The following KCNJ4 variants were observed in gnomAD, a reference collection of about 807,000 sequenced individuals.
The protein encoded by KCNJ4 is inward rectifier potassium channel 4.
Under a neutral mutation model 25.6 loss-of-function variants are expected in KCNJ4, and 3 were observed. That is an observed-to-expected ratio of 0.12 (90% CI 0.05 to 0.30). The LOEUF (loss-of-function observed/expected upper bound fraction) is 0.30, where lower values mean the gene tolerates loss of function less well. Ranked by LOEUF, KCNJ4 falls within the 10% of genes least tolerant of loss-of-function variation. KCNJ4 has a pLI of 1.00. For missense variants in KCNJ4, 286 were observed against 666.8 expected (o/e 0.43, Z 6.29); for synonymous variants, 257 against 283.9 (o/e 0.91, Z 0.95).
intron 1 of KCNJ4, among the ~76,000 whole-genome samples, chr22:38,431,617 TC>T (rs2093050049): frequency 6.6e-6 from 1 of 152,146 alleles, no homozygotes; most frequent in African/African-American, 2.4e-5. Context: ...TTCTCAGACC[TC>T]CACCCTTCCC....
intron 1 of KCNJ4, among the ~76,000 whole-genome samples, chr22:38,453,319 C>T (rs1026363931): frequency 1.3e-5 from 2 of 152,076 alleles, no homozygotes; most frequent in African/African-American, 4.8e-5. Context: ...TCAAGCCACC[C>T]ACCCAAGGTC....
chr22:38,440,125 C>T (rs181147951), intron 1 of KCNJ4, among the ~76,000 whole-genome samples: 1,869 of 151,876 alleles, frequency 0.012, 84 homozygotes, highest in Admixed American at 0.1. Flanking sequence ...ATACAACATT[C>T]CTAGCCAGGT....
intron 1 of KCNJ4, among the ~76,000 whole-genome samples, chr22:38,448,497 C>T (rs2089390975): frequency 6.6e-6 from 1 of 152,160 alleles, no homozygotes; most frequent in African/African-American, 2.4e-5. Context: ...ACCCTTCCTA[C>T]TGCTGTGACC....
intron 1 of KCNJ4, among the ~76,000 whole-genome samples, chr22:38,453,656 C>T (rs1243997744): frequency 6.6e-6 from 1 of 152,122 alleles, no homozygotes; most frequent in Non-Finnish European, 1.5e-5. Flanking sequence ...CAGGGAGTGA[C>T]GTCCCCATGC....
intron 1 of KCNJ4, among the ~76,000 whole-genome samples, chr22:38,441,758 G>T (rs750714797): frequency 3.9e-5 from 6 of 152,106 alleles, no homozygotes; most frequent in African/African-American, 1.4e-4. Flanking sequence ...ACGCCTCCTG[G>T]GCCCTCCTGG....
At chr22:38,447,899 A>C (rs532389453) in intron 1 of KCNJ4, among the ~76,000 whole-genome samples, 1 of 152,026 alleles carries the variant, frequency 6.6e-6, no homozygotes, top group South Asian at 2.1e-4. Context: ...CTTCGTCTCT[A>C]CTAAAAATAC....
intron 1 of KCNJ4, among the ~76,000 whole-genome samples, chr22:38,435,420 C>T (rs1056188705): frequency 5.9e-5 from 9 of 152,270 alleles, no homozygotes; most frequent in Middle Eastern, 3.4e-3. Flanking sequence ...TTGCCGGGCA[C>T]GGTGGCTCAC....
Position 38,449,323 on chromosome 22 carries a change from T to C in KCNJ4, c.-40+5657A>G, listed in dbSNP as rs1458078160. ...CCAGGAGCCTGGAACCAATCCTTGC[T>C]TCTCTCTGAGCCTCAGTATTCTCAT... On this transcript the variant is annotated intron_variant, in intron 1 of 1. Coordinates refer to ENST00000303592, the MANE Select transcript of KCNJ4 (RefSeq NM_152868.3). The surrounding 1 kb of genome is among the most constrained non-coding windows in gnomAD (Gnocchi z 5.2). Among the ~76,000 whole-genome samples, 1 of 152,198 alleles carries C rather than the reference T, an allele frequency of 6.6e-6. No homozygotes were observed. The highest frequency in any genetic ancestry group is 1.5e-5 in the Non-Finnish European group (1 of 68,020).
intron 1 of KCNJ4, among the ~76,000 whole-genome samples, chr22:38,446,607 A>G (rs374869113): frequency 6.6e-5 from 10 of 152,170 alleles, no homozygotes; most frequent in Admixed American, 5.9e-4. Flanking sequence ...TCAACGAGCT[A>G]TGATACATTC....
intron 1 of KCNJ4, among the ~76,000 whole-genome samples, chr22:38,438,703 AAAAGAAAG>A (rs35066342): frequency 1.5e-4 from 23 of 148,818 alleles, no homozygotes; most frequent in African/African-American, 2.2e-4. Context: ...AAAAAAGAAA[AAAAGAAAG>A]AAAGAAAGAA....
chr22:38,441,332 G>C (rs887957841), intron 1 of KCNJ4, among the ~76,000 whole-genome samples: 2 of 152,196 alleles, frequency 1.3e-5, no homozygotes, highest in Non-Finnish European at 2.9e-5. Flanking sequence ...GAAGAGCCAG[G>C]AGTTCTGCTG....
At chr22:38,448,505 A>G (rs1283236284) in intron 1 of KCNJ4, among the ~76,000 whole-genome samples, 1 of 152,106 alleles carries the variant, frequency 6.6e-6, no homozygotes, top group Non-Finnish European at 1.5e-5. Context: ...TACTGCTGTG[A>G]CCAGGGAGTG....
chr22:38,443,459 T>TC lies in KCNJ4; in HGVS notation c.-40+11520dup, dbSNP rs149011092. Among the ~76,000 whole-genome samples the TC allele has an allele frequency of 9.2e-5, 14 of 152,090 alleles. No homozygotes were observed. Among genetic ancestry groups the TC allele is most frequent in the African/African-American group, 3.4e-4 (14 of 41,466 alleles). ...CTGCCAAGCCCAAGCCATGCCCCCG[T>TC]CCTCCCCTCTCCTGCCTTCCCCATC... On this transcript the variant is annotated intron_variant, in intron 1 of 1. Coordinates refer to ENST00000303592, the MANE Select transcript of KCNJ4 (RefSeq NM_152868.3). This position sits in a 1 kb window ranked among gnomAD's most constrained non-coding sequence, Gnocchi z 4.1.
At chr22:38,434,408 T>C (rs1015012355) in intron 1 of KCNJ4, among the ~76,000 whole-genome samples, 22 of 152,194 alleles carry the variant, frequency 1.4e-4, no homozygotes, top group African/African-American at 5.3e-4. Flanking sequence ...CACTGTATCC[T>C]TTGTGTATTT....
At chr22:38,437,493 C>G (rs1434977819) in intron 1 of KCNJ4, among the ~76,000 whole-genome samples, 1 of 152,230 alleles carries the variant, frequency 6.6e-6, no homozygotes, top group Non-Finnish European at 1.5e-5. Flanking sequence ...ACCCCACTGC[C>G]TGGCTGGGGC....
At position 38,439,530 on chromosome 22, in the gene KCNJ4, AC is replaced by A. The variant is rs1433977308; in HGVS notation, c.-39-11360del. ...GGTGGTTCACGCCTGTAATCCCGGCACTTTGGGAGGCCAAGGCAGGCAGATC... is the reference window on the plus strand; with the variant it reads ...GGTGGTTCACGCCTGTAATCCCGGCATTTGGGAGGCCAAGGCAGGCAGATC... On this transcript the variant is annotated intron_variant, in intron 1 of 1. Transcript: ENST00000303592. Among the ~76,000 whole-genome samples the A allele has an allele frequency of 8.5e-5, 13 of 152,258 alleles. No individual in the cohort carries two copies. The East Asian group carries it at 2.5e-3, about 29-fold the overall frequency.
chr22:38,434,453 A>C (rs1310870978), intron 1 of KCNJ4, among the ~76,000 whole-genome samples: 1 of 152,194 alleles, frequency 6.6e-6, no homozygotes, highest in African/African-American at 2.4e-5. Context: ...CACAGTAACA[A>C]GAAGGGTTGT....
At chr22:38,448,070 A>AAAAAAGAAAAG (rs1555919495) in intron 1 of KCNJ4, among the ~76,000 whole-genome samples, 1 of 150,438 alleles carries the variant, frequency 6.6e-6, no homozygotes, top group Non-Finnish European at 1.5e-5. Context: ...AAAAAAAAAA[A>AAAAAAGAAAAG]AAAAGAAAAG....
chr22:38,454,144 G>T (rs538558197), intron 1 of KCNJ4, among the ~76,000 whole-genome samples: 17 of 152,228 alleles, frequency 1.1e-4, no homozygotes, highest in Non-Finnish European at 2.4e-4. Flanking sequence ...CAAACCTGCT[G>T]CTGAACATTC....
Sources: gnomAD v4.1 joint callset for allele counts (sites outside exome capture counted in the v4.1 genomes callset) on GRCh38, gnomAD v4.1.1 for gene constraint, Gnocchi (gnomAD v3.1) non-coding constraint, MANE v1.5 for transcripts, NCBI Gene and HGNC (gene_info 2026-07-23, HGNC 2026-07-21) for gene names.